Variants in ZDHHC24 observed in about 807,000 individuals in gnomAD.
The protein encoded by ZDHHC24 is probable palmitoyltransferase ZDHHC24.
ZDHHC24 carries 17 observed loss-of-function variants against 23.2 expected under a neutral mutation model. The ratio of observed to expected loss-of-function variants is 0.73; its 90% CI spans 0.50 to 1.10. The LOEUF is 1.10. Among genes scored for constraint, ZDHHC24 ranks in the 50% least tolerant of loss-of-function variants. The pLI is 0.00. For missense variants in ZDHHC24, 366 were observed against 393.0 expected (o/e 0.93, Z 0.58); for synonymous variants, 186 against 194.5 (o/e 0.96, Z 0.36).
intron 3 of ZDHHC24, chr11:66,527,486 T>C (rs1856567713): frequency 5.0e-6 from 1 of 199,332 alleles, no homozygotes; most frequent in Admixed American, 5.3e-5. Context: ...CTGGCCAATA[T>C]GGTGAAACCC....
In ZDHHC24 at chr11:66,539,240, T is replaced by G; in HGVS notation, c.*289A>C. ...CAACAAAGTGAGGGGCCAGAAACTA[T>G]GCAAAGATGGAGGGAGGCTGAGAAA... On this transcript the variant is annotated 3_prime_UTR_variant, in exon 3 of 3. Transcript: ENST00000310442. 2 of 1,130,832 alleles carry G rather than the reference T, an allele frequency of 1.8e-6. No individual in the cohort carries two copies. Among genetic ancestry groups the G allele is most frequent in the Middle Eastern group, 3.7e-4 (1 of 2,696 alleles). 70.0% of individuals were successfully genotyped at this position (1,130,832 alleles called of 1,614,324 possible).
downstream of ZDHHC24, chr11:66,530,748 C>G: frequency 2.5e-6 from 3 of 1,209,434 alleles, no homozygotes; most frequent in South Asian, 3.7e-5. Context: ...TCCCTCTGCC[C>G]CTTCTGGTCT....
chr11:66,523,780 G>A lies in ZDHHC24; in HGVS notation c.*22-2314C>T. The A allele has an allele frequency of 6.2e-7, 1 of 1,613,368 alleles. No individual in the cohort carries two copies. Among genetic ancestry groups the A allele is most frequent in the Non-Finnish European group, 8.5e-7 (1 of 1,180,030 alleles). ...CAGCCATCCTGACCATGAACCTCCT[G>A]GAGCAGCATTCCCGGGGCCTGCAGG... On this transcript the variant is annotated intron_variant, in intron 4 of 4. Coordinates refer to the ZDHHC24 transcript ENST00000526986.
intron 4 of ZDHHC24, chr11:66,524,069 A>G: frequency 2.5e-6 from 2 of 815,404 alleles, no homozygotes; most frequent in South Asian, 3.1e-5. Flanking sequence ...CACCTGAGGT[A>G]AGGAGTTCAA....
chr11:66,539,368 C>CGTAGGA lies in ZDHHC24; in HGVS notation c.*160_*161insTCCTAC. On this transcript the variant is annotated 3_prime_UTR_variant, in exon 3 of 3. Coordinates refer to ENST00000310442, the MANE Select transcript of ZDHHC24 (RefSeq NM_207340.3). ...CCTCTGCCTAAGTCACGGCCCAAGC[C>CGTAGGA]CTGGACACGTAGGAGTGTAGGCGGG... 1 of 1,356,862 alleles carries CGTAGGA rather than the reference C, an allele frequency of 7.4e-7. No homozygotes were observed. Among genetic ancestry groups the CGTAGGA allele is most frequent in the Admixed American group, 3.4e-5 (1 of 29,030 alleles). 84.1% of individuals were successfully genotyped at this position (1,356,862 alleles called of 1,614,324 possible).
downstream of ZDHHC24, chr11:66,532,631 G>C: frequency 6.5e-6 from 1 of 154,966 alleles, no homozygotes; most frequent in Non-Finnish European, 1.4e-5. Flanking sequence ...TGAAATCTTA[G>C]ACTTAGCCAG....
Position 66,536,343 on chromosome 11 carries a change from G to A in ZDHHC24, c.*3186C>T, listed in dbSNP as rs1215447830. ...AGGCCAAGGTGGGCAGATCACCTGAGGTCAGCAGTTCAAGACCAGCCTGAC... is the reference window on the plus strand; with the variant it reads ...AGGCCAAGGTGGGCAGATCACCTGAAGTCAGCAGTTCAAGACCAGCCTGAC... On this transcript the variant is annotated 3_prime_UTR_variant, in exon 3 of 3. Transcript: ENST00000310442. The A allele has an allele frequency of 1.3e-5, 2 of 152,288 alleles. No homozygotes were observed. The highest frequency in any genetic ancestry group is 4.8e-5 in the African/African-American group (2 of 41,414). 9.4% of individuals were successfully genotyped at this position (152,288 alleles called of 1,614,324 possible). A position where few individuals can be genotyped will look rare whatever the true frequency, so the allele number is the denominator to read the frequency against.
chr11:66,539,731 C>T lies in ZDHHC24; in HGVS notation c.653G>A (p.Gly218Glu). The change falls in exon 3 of 3, where the codon GGG (glycine) becomes GAG (glutamate). Residue 218 changes from glycine to glutamate, a missense_variant. By Grantham distance (98) the Gly-to-Glu change is moderately conservative. Coordinates refer to ENST00000310442, the MANE Select transcript of ZDHHC24 (RefSeq NM_207340.3). ...GGTCTGGCCCCGCAGCAGCAGCATC[C>T]CATGGAAGAGCAGCCCAGCCCCGCA... Reference protein sequence around the residue: ...LLCGAGLLFHGMLLLRGQTTW... With the variant: ...LLCGAGLLFHEMLLLRGQTTW... The T allele has an allele frequency of 6.2e-7, 1 of 1,613,130 alleles. No individual in the cohort carries two copies.
downstream of ZDHHC24, chr11:66,531,804 G>A (rs1255198040): frequency 3.1e-6 from 5 of 1,613,462 alleles, no homozygotes; most frequent in Admixed American, 8.3e-5. Context: ...CAGTAAGGGT[G>A]AGTGCCAACA....
rs375785879 is a variant in ZDHHC24 at position 66,523,927 on chromosome 11, C to T, written c.*22-2461G>A. 3.4e-4 allele frequency: 543 copies of T among 1,608,682 alleles called. No individual in the cohort carries two copies. The highest frequency in any genetic ancestry group is 5.3e-4 in the Admixed American group (32 of 60,022). On this transcript the variant is annotated intron_variant, in intron 4 of 4. Coordinates refer to the ZDHHC24 transcript ENST00000526986. ...TCTGCCACTCACTCCTCCTTGCCCT[C>T]GTCTCACCTCTGGGGCTTCTTAGCT...
In ZDHHC24 at chr11:66,523,555, C is replaced by A. The variant is rs901307899; in HGVS notation, c.*22-2089G>T. On this transcript the variant is annotated intron_variant, in intron 4 of 4. Coordinates refer to the ZDHHC24 transcript ENST00000526986. ...TAGTGGTGGGCAGCACCCAAGACAG[C>A]CTGCATGGCTTCACCCACAAGGTGC... The A allele has an allele frequency of 1.9e-6, 3 of 1,614,032 alleles. No homozygotes were observed. In the African/African-American group the frequency reaches 4.0e-5, roughly 22 times the overall value.
At chr11:66,530,509 C>G (rs1417103342) in intron 2 of ZDHHC24, among the ~76,000 whole-genome samples, 1 of 152,160 alleles carries the variant, frequency 6.6e-6, no homozygotes, top group Non-Finnish European at 1.5e-5. Flanking sequence ...TTCTCTTTTC[C>G]TAAAGAGTGG....
Position 66,545,836 on chromosome 11 carries a change from C to A in ZDHHC24, c.168G>T (p.Ala56=), listed in dbSNP as rs983340314. ...LGPLARALQL[A]LAAFQLLNLL... ...GGTTGAGCAGCTGGAAGGCGGCCAGCGCCAGCTGCAAGGCCCGGGCCAGGG... is the reference window on the plus strand; with the variant it reads ...GGTTGAGCAGCTGGAAGGCGGCCAGAGCCAGCTGCAAGGCCCGGGCCAGGG... The change falls in exon 1 of 3, where the codon GCG becomes GCT. Residue 56 remains alanine (A), a synonymous_variant. Transcript: ENST00000310442. This position sits in a 1 kb window ranked among gnomAD's most constrained non-coding sequence, Gnocchi z 4.5. 3 of 1,562,394 alleles carry A rather than the reference C, an allele frequency of 1.9e-6. No homozygotes were observed. Among genetic ancestry groups the A allele is most frequent in the Non-Finnish European group, 2.6e-6 (3 of 1,160,122 alleles).
chr11:66,530,062 G>C (rs1856704369), intron 2 of ZDHHC24: 1 of 1,471,564 alleles, frequency 6.8e-7, no homozygotes, highest in Non-Finnish European at 9.2e-7. Flanking sequence ...AGCCAACTCA[G>C]CCCGTGCTCC....
Position 66,521,290 on chromosome 11 carries a change from C to T in ZDHHC24, c.*198G>A, listed in dbSNP as rs528073027. ...TGCAGATGAGCCTTCCCAGCGTCCC[C>T]GTCTTCCTAGAGGTTTCTGGCCAGT... is the stretch of plus-strand genomic sequence containing the variant. On this transcript the variant is annotated 3_prime_UTR_variant, in exon 5 of 5. Transcript: ENST00000526986. 93 of 1,614,170 alleles carry T rather than the reference C, an allele frequency of 5.8e-5. No homozygotes were observed. Among genetic ancestry groups the T allele is most frequent in the Admixed American group, 2.5e-4 (15 of 60,004 alleles).
At chr11:66,534,889 G>A (rs576768636), downstream of ZDHHC24, among the ~76,000 whole-genome samples, 4 of 151,530 alleles carry the variant, frequency 2.6e-5, no homozygotes, top group African/African-American at 7.3e-5. Flanking sequence ...TAGAAACAGC[G>A]TTTCACCGTG....
chr11:66,529,968 A>G (rs573129342), intron 2 of ZDHHC24: 1 of 1,595,482 alleles, frequency 6.3e-7, no homozygotes, highest in Non-Finnish European at 8.5e-7. Context: ...CATCTGGGTG[A>G]GGGCAGAGTC....
chr11:66,540,600 C>T (rs1481481894), intron 2 of ZDHHC24, among the ~76,000 whole-genome samples: 1 of 151,546 alleles, frequency 6.6e-6, no homozygotes, highest in Admixed American at 6.6e-5. Context: ...TGGTTGCGCA[C>T]GCCCGTAATC....
intron 2 of ZDHHC24, chr11:66,529,897 C>T (rs1401831551): frequency 1.2e-6 from 2 of 1,607,698 alleles, no homozygotes; most frequent in Admixed American, 1.7e-5. Flanking sequence ...GCCCTCGAGT[C>T]CAGCCTGAGC....
Sources: allele counts gnomAD v4.1 joint callset (sites outside exome capture counted in the v4.1 genomes callset), GRCh38; gene constraint gnomAD v4.1.1; non-coding constraint Gnocchi (gnomAD v3.1); transcripts MANE v1.5; gene names NCBI Gene and HGNC (gene_info 2026-07-23, HGNC 2026-07-21).